The following LARGE1 variants were observed in gnomAD, a reference collection of about 807,000 sequenced individuals.
The protein encoded by LARGE1 is LARGE xylosyl- and glucuronyltransferase 1.
A neutral mutation model predicts 87.6 loss-of-function variants in LARGE1; 43 were observed. The observed-to-expected ratio is 0.49, with a 90% CI of 0.38 to 0.63. The LOEUF (loss-of-function observed/expected upper bound fraction) is 0.63, where lower values mean the gene tolerates loss of function less well. LARGE1 is among the 30% of genes least tolerant of loss of function. The probability of loss-of-function intolerance (pLI) is 0.00; values close to 1 mark genes in which losing one functional copy is unlikely to be tolerated. For missense variants in LARGE1, 802 were observed against 1,000.2 expected, an observed-to-expected ratio of 0.80 and a Z score of 2.67; for synonymous variants, 434 against 394.6, an observed-to-expected ratio of 1.10 and a Z score of -1.18.
chr22:33,736,529 T>G (rs912931226), intron 2 of LARGE1, among the ~76,000 whole-genome samples: 1 of 152,276 alleles, frequency 6.6e-6, no homozygotes, highest in Admixed American at 6.5e-5. Flanking sequence ...TCATCTATTC[T>G]GTACATAAGT....
chr22:33,769,176 G>T (rs563158228), intron 1 of LARGE1, among the ~76,000 whole-genome samples: 1 of 152,134 alleles, frequency 6.6e-6, no homozygotes, highest in Non-Finnish European at 1.5e-5. Context: ...ACGGACTAGG[G>T]TTGGCTCTGA....
At chr22:33,877,475 G>A (rs1360325184) in intron 1 of LARGE1, among the ~76,000 whole-genome samples, 1 of 152,134 alleles carries the variant, frequency 6.6e-6, no homozygotes, top group Non-Finnish European at 1.5e-5. Context: ...ATGACTTTGG[G>A]CAAGTTTCTT....
intron 11 of LARGE1, among the ~76,000 whole-genome samples, chr22:33,256,928 G>A (rs771392485): frequency 7.1e-4 from 108 of 152,282 alleles, no homozygotes; most frequent in Non-Finnish European, 1.2e-3. Context: ...AGGTGAGGCC[G>A]GCTGTGCTGG....
At chr22:33,419,410 TGATCATGAGAGGGAAACAC>T (rs1487657455) in intron 7 of LARGE1, among the ~76,000 whole-genome samples, 1 of 151,608 alleles carries the variant, frequency 6.6e-6, no homozygotes, top group African/African-American at 2.4e-5. Flanking sequence ...ATGAGGGCCA[TGATCATGAGAGGGAAACAC>T]GATCACCCAA....
At chr22:33,706,557 A>G (rs1300409917) in intron 2 of LARGE1, among the ~76,000 whole-genome samples, 2 of 152,234 alleles carry the variant, frequency 1.3e-5, no homozygotes, top group African/African-American at 4.8e-5. Flanking sequence ...AACTAATAAA[A>G]TTATTAAACA....
chr22:33,854,397 A>G (rs530241179), intron 1 of LARGE1, among the ~76,000 whole-genome samples: 18 of 152,182 alleles, frequency 1.2e-4, no homozygotes, highest in African/African-American at 4.1e-4. Flanking sequence ...TTCTCAGCTC[A>G]GAGACCCCTT....
intron 4 of LARGE1, among the ~76,000 whole-genome samples, chr22:33,610,836 T>G (rs2079406271): frequency 6.6e-6 from 1 of 152,122 alleles, no homozygotes; most frequent in Non-Finnish European, 1.5e-5. Context: ...AGGACACCAT[T>G]GCCCTGCACC....
chr22:33,778,966 C>T (rs139289158), intron 1 of LARGE1, among the ~76,000 whole-genome samples: 10 of 152,220 alleles, frequency 6.6e-5, no homozygotes, highest in Non-Finnish European at 1.0e-4. Context: ...TCCTGTTTTA[C>T]AGCTGATTAA....
intron 1 of LARGE1, among the ~76,000 whole-genome samples, chr22:33,792,960 A>G (rs1225490712): frequency 6.6e-6 from 1 of 152,170 alleles, no homozygotes; most frequent in Non-Finnish European, 1.5e-5. Flanking sequence ...TAGACCAAGT[A>G]CCATCTCCTT....
At chr22:33,852,543 A>G (rs1207030365) in intron 1 of LARGE1, among the ~76,000 whole-genome samples, 1 of 152,100 alleles carries the variant, frequency 6.6e-6, no homozygotes, top group East Asian at 1.9e-4. Context: ...ACAGTCTGTT[A>G]GAAAGTGCTA....
the LARGE1 span, among the ~76,000 whole-genome samples, chr22:33,114,373 C>A: frequency 6.6e-6 from 1 of 152,166 alleles, no homozygotes; most frequent in Non-Finnish European, 1.5e-5. Flanking sequence ...AGAAAAAGAA[C>A]GGACTTCCCA....
chr22:33,241,762 G>C (rs1926533690), intron 11 of LARGE1, among the ~76,000 whole-genome samples: 1 of 152,126 alleles, frequency 6.6e-6, no homozygotes, highest in Middle Eastern at 3.4e-3. Context: ...GGACTCTAAA[G>C]GCAAATACCA....
chr22:33,564,766 CT>C, intron 6 of LARGE1, 81 bp downstream of exon 6: 1 of 1,465,330 alleles, frequency 6.8e-7, no homozygotes, highest in Non-Finnish European at 9.6e-7. Flanking sequence ...GAGACCTCAC[CT>C]TTTTAAAAAA....
intron 6 of LARGE1, among the ~76,000 whole-genome samples, chr22:33,433,456 C>CGTGGT (rs534232914): frequency 2.6e-5 from 4 of 151,646 alleles, no homozygotes; most frequent in Non-Finnish European, 5.9e-5. Flanking sequence ...ATTAGCCAGG[C>CGTGGT]GTGGTGGCGG....
At chr22:33,567,684 C>G (rs1302341587) in intron 5 of LARGE1, among the ~76,000 whole-genome samples, 1 of 152,182 alleles carries the variant, frequency 6.6e-6, no homozygotes, top group African/African-American at 2.4e-5. Context: ...ATGGTGGAGA[C>G]TGGACTTCCA....
the LARGE1 span, among the ~76,000 whole-genome samples, chr22:33,123,025 T>C: frequency 1.3e-5 from 2 of 152,120 alleles, no homozygotes; most frequent in Non-Finnish European, 1.5e-5. Context: ...AATCCTGTGC[T>C]AGAGAACTGG....
chr22:33,857,427 A>C (rs1480243212), intron 1 of LARGE1, among the ~76,000 whole-genome samples: 1 of 152,264 alleles, frequency 6.6e-6, no homozygotes, highest in Admixed American at 6.5e-5. Context: ...AAACGATGCA[A>C]TCAGAAAAAG....
At chr22:33,114,547 A>G in the LARGE1 span, among the ~76,000 whole-genome samples, 2 of 152,228 alleles carry the variant, frequency 1.3e-5, no homozygotes, top group African/African-American at 4.8e-5. Context: ...ACACTGCATT[A>G]TGCCTAAAAA....
At chr22:33,778,429 A>T (rs2085315867) in intron 1 of LARGE1, among the ~76,000 whole-genome samples, 1 of 152,146 alleles carries the variant, frequency 6.6e-6, no homozygotes, top group Non-Finnish European at 1.5e-5. Context: ...CCTTTATCTA[A>T]TTCTAAAACA....
Sources: allele counts gnomAD v4.1 joint callset (sites outside exome capture counted in the v4.1 genomes callset), GRCh38; gene constraint gnomAD v4.1.1; transcripts MANE v1.5; gene names NCBI Gene and HGNC (gene_info 2026-07-23, HGNC 2026-07-21).